Variants in MOCOS observed in about 807,000 individuals in gnomAD.
MOCOS encodes human molybdenum cofactor sulfurase.
A neutral mutation model predicts 83.6 loss-of-function variants in MOCOS; 86 were observed. The ratio of observed to expected loss-of-function variants is 1.03; its 90% CI spans 0.86 to 1.23. The LOEUF is 1.23. Among genes scored for constraint, MOCOS ranks in the 50% most tolerant of loss-of-function variants. The pLI is 0.00. For missense variants in MOCOS, 1,120 were observed against 1,126.9 expected (o/e 0.99, Z 0.09); for synonymous variants, 445 against 434.7 (o/e 1.02, Z -0.29).
At chr18:36,219,804 T>A (rs2091489224) in intron 8 of MOCOS, among the ~76,000 whole-genome samples, 1 of 152,260 alleles carries the variant, frequency 6.6e-6, no homozygotes, top group African/African-American at 2.4e-5. Context: ...AGGCATTACC[T>A]ACTTAAAACA....
At chr18:36,249,409 AATAT>A (rs1203636098) in intron 10 of MOCOS, among the ~76,000 whole-genome samples, 2 of 151,994 alleles carry the variant, frequency 1.3e-5, no homozygotes, top group African/African-American at 4.8e-5. Context: ...TTTCCAAGTT[AATAT>A]ATATCTGTTT....
rs775406459 is a variant in MOCOS, at chr18:36,200,298, CA to C, written c.916del (p.Ile306SerfsTer6). On this transcript the variant is annotated frameshift_variant, in exon 4 of 15. Coordinates refer to ENST00000261326, the MANE Select transcript of MOCOS (RefSeq NM_017947.4). LOFTEE classifies it high-confidence loss of function. Reference protein sequence around the residue: ...SAYLAGEDFYIPRQSVAQRFE... With the variant: ...SAYLAGEDFYXPRQSVAQRFE... ...CGTACCTAGCAGGAGAAGACTTCTA[CA>C]TCCCGAGGCAGTCGGTAGCTCAGAG... is the stretch of plus-strand genomic sequence containing the variant. 6 of 1,613,968 alleles carry C rather than the reference CA, an allele frequency of 3.7e-6. No individual in the cohort carries two copies. The Admixed American group carries it at 1.0e-4, about 27-fold the overall frequency.
intron 9 of MOCOS, among the ~76,000 whole-genome samples, chr18:36,241,841 G>A (rs925871629): frequency 3.3e-5 from 5 of 152,202 alleles, no homozygotes; most frequent in African/African-American, 9.7e-5. Context: ...CAAGGCTTGG[G>A]GCTTGCACCT....
In MOCOS at chr18:36,200,156, T is replaced by C. The variant is rs1487057381; in HGVS notation, c.773T>C (p.Val258Ala). The change falls in exon 4 of 15, where the codon GTC becomes GCC. Residue 258 changes from valine (V) to alanine (A), a missense_variant. By Grantham distance (64) the Val-to-Ala change is moderately conservative. Coordinates refer to ENST00000261326, the MANE Select transcript of MOCOS (RefSeq NM_017947.4). ...CTGTCAGCTCACCAGGCCGACTTTG[T>C]CCCCATCTCCTTCTATAAGATCTTC... Reference protein sequence around the residue: ...LDLSAHQADFVPISFYKIFGF... With the variant: ...LDLSAHQADFAPISFYKIFGF... 3 of 1,614,210 alleles carry C rather than the reference T, an allele frequency of 1.9e-6. No homozygotes were observed. Among genetic ancestry groups the C allele is most frequent in the Non-Finnish European group, 1.7e-6 (2 of 1,180,034 alleles).
chr18:36,218,755 A>G (rs1159300014), intron 8 of MOCOS, among the ~76,000 whole-genome samples: 1 of 151,958 alleles, frequency 6.6e-6, no homozygotes, highest in Non-Finnish European at 1.5e-5. Context: ...CCTTGCCTCA[A>G]GTGATCCCCC....
rs1049079090 is a variant in MOCOS at position 36,213,604 on chromosome 18, A to T, written c.1335+122A>T. 4 of 830,374 alleles carry T rather than the reference A, an allele frequency of 4.8e-6. No homozygotes were observed. The East Asian group carries it at 1.0e-4, about 22-fold the overall frequency. 51.4% of individuals were successfully genotyped at this position (830,374 alleles called of 1,614,324 possible). A position where few individuals can be genotyped will look rare whatever the true frequency, so the allele number is the denominator to read the frequency against. On this transcript the variant is annotated intron_variant, in intron 7 of 14. Coordinates refer to ENST00000261326, the MANE Select transcript of MOCOS (RefSeq NM_017947.4). ...TCATTTCTCCACGCCTACTCTGTGC[A>T]TGTACAAAGGAAAAGGAATACAAAT...
chr18:36,200,461 T>G lies in MOCOS; in HGVS notation c.941+137T>G. The G allele has an allele frequency of 2.7e-6, 3 of 1,117,894 alleles. No individual in the cohort carries two copies. In the South Asian group the frequency reaches 4.6e-5, roughly 17 times the overall value. 69.2% of individuals were successfully genotyped at this position (1,117,894 alleles called of 1,614,324 possible). ...CAGGTTGCTGGCAGGGACAGGCTGA[T>G]GGCAGGGCTCAGATCTGGGAGGCAG... On this transcript the variant is annotated intron_variant, in intron 4 of 14. Coordinates refer to ENST00000261326, the MANE Select transcript of MOCOS (RefSeq NM_017947.4).
At chr18:36,219,336 T>C (rs535056703) in intron 8 of MOCOS, among the ~76,000 whole-genome samples, 1 of 152,216 alleles carries the variant, frequency 6.6e-6, no homozygotes, top group East Asian at 1.9e-4. Context: ...AAAATATGTC[T>C]ATACTATTAT....
chr18:36,224,018 A>T (rs1009275915), intron 9 of MOCOS, among the ~76,000 whole-genome samples: 1 of 151,928 alleles, frequency 6.6e-6, no homozygotes, highest in African/African-American at 2.4e-5. Flanking sequence ...ATTTCTAGGT[A>T]TTGTACTCTT....
At chr18:36,214,869 C>T (rs1568054608) in intron 7 of MOCOS, among the ~76,000 whole-genome samples, 1 of 152,186 alleles carries the variant, frequency 6.6e-6, no homozygotes, top group Non-Finnish European at 1.5e-5. Flanking sequence ...CCGGATCCAG[C>T]ACCAAGGTTT....
intron 12 of MOCOS, 131 bp from the exon 13 acceptor site, chr18:36,259,906 G>T: frequency 7.7e-7 from 1 of 1,299,944 alleles, no homozygotes; most frequent in Non-Finnish European, 1.1e-6. Flanking sequence ...AGTCTGTTTT[G>T]ATTATCCAGG....
chr18:36,245,477 G>A (rs907473800), intron 9 of MOCOS, among the ~76,000 whole-genome samples: 11 of 152,148 alleles, frequency 7.2e-5, no homozygotes, highest in African/African-American at 2.4e-4. Flanking sequence ...GACTTGCAAG[G>A]TTTCTGCTGA....
Position 36,199,943 on chromosome 18 carries a change from C to T in MOCOS, c.560C>T (p.Ala187Val). The change falls in exon 4 of 15, where the codon GCC (alanine) becomes GTC (valine). Residue 187 changes from alanine (A) to valine (V), a missense_variant. Coordinates refer to ENST00000261326, the MANE Select transcript of MOCOS (RefSeq NM_017947.4). ...LWSAEERSASASNPDCQLPHL... is the reference protein window; with the variant it reads ...LWSAEERSASVSNPDCQLPHL... ...TCTGCAGAGGAACGTAGTGCTTCAG[C>T]CAGCAACCCAGACTGCCAGCTGCCG... is the stretch of plus-strand genomic sequence containing the variant. 6.2e-7 allele frequency: 1 copy of T among 1,614,212 alleles called. No homozygotes were observed. Among genetic ancestry groups the T allele is most frequent in the South Asian group, 1.1e-5 (1 of 91,084 alleles).
intron 11 of MOCOS, among the ~76,000 whole-genome samples, chr18:36,255,263 C>T (rs945564668): frequency 5.9e-5 from 9 of 152,102 alleles, no homozygotes; most frequent in Admixed American, 1.3e-4. Flanking sequence ...AAAGGAGTTT[C>T]GTTAGTGCAG....
intron 10 of MOCOS, among the ~76,000 whole-genome samples, chr18:36,249,249 C>T (rs933150402): frequency 6.6e-6 from 1 of 152,138 alleles, no homozygotes; most frequent in Non-Finnish European, 1.5e-5. Flanking sequence ...AGTTATACCT[C>T]CACAGGGCTG....
At chr18:36,203,699 C>T (rs1420562644) in intron 5 of MOCOS, among the ~76,000 whole-genome samples, 5 of 152,244 alleles carry the variant, frequency 3.3e-5, no homozygotes, top group East Asian at 3.8e-4. Context: ...CGATGGTCTT[C>T]GCATGAGGCA....
At chr18:36,199,617 C>T (rs1464993816) in intron 3 of MOCOS, 66 bp from the exon 4 acceptor site, 1 of 1,605,458 alleles carries the variant, frequency 6.2e-7, no homozygotes. Flanking sequence ...AGAAATAAAA[C>T]AGCCTGCAAA....
chr18:36,261,671 A>C (rs1390157451), intron 13 of MOCOS, among the ~76,000 whole-genome samples: 1 of 152,200 alleles, frequency 6.6e-6, no homozygotes, highest in African/African-American at 2.4e-5. Context: ...TCTTACCCTG[A>C]CAGTGGCTCC....
Position 36,248,986 on chromosome 18 carries a change from G to T in MOCOS, c.2025G>T (p.Arg675Ser), listed in dbSNP as rs1409320077. 1.2e-6 allele frequency: 2 copies of T among 1,614,072 alleles called. No homozygotes were observed. Among genetic ancestry groups the T allele is most frequent in the Non-Finnish European group, 1.7e-6 (2 of 1,179,964 alleles). Residue 675 changes from arginine to serine, a missense_variant, in exon 10 of 15, where the codon AGG (arginine) becomes AGT (serine). Physicochemically the swap from Arg to Ser is moderately radical, Grantham distance 110. Coordinates refer to ENST00000261326, the MANE Select transcript of MOCOS (RefSeq NM_017947.4). Reference protein sequence around the residue: ...NSERTQIRQSRVCADRVSTYD... With the variant: ...NSERTQIRQSSVCADRVSTYD... The stretch of plus-strand genomic sequence containing the variant: ...AACGGACTCAGATTCGCCAAAGCAG[G>T]GTCTGTGCTGACAGGTGAGACTCTG...
Sources: gnomAD v4.1 joint callset for allele counts (sites outside exome capture counted in the v4.1 genomes callset) on GRCh38, gnomAD v4.1.1 for gene constraint, MANE v1.5 for transcripts, NCBI Gene and HGNC (gene_info 2026-07-23, HGNC 2026-07-21) for gene names.